The following TOGARAM1 variants were observed in gnomAD, a reference collection of about 807,000 sequenced individuals.
TOGARAM1 encodes the protein TOG array regulator of axonemal microtubules protein 1.
In TOGARAM1, 100 loss-of-function variants were observed where a neutral mutation model predicts 166.6. The observed-to-expected ratio is 0.60, with a 90% CI of 0.51 to 0.71. TOGARAM1 has a LOEUF of 0.71. Ranked by LOEUF, TOGARAM1 falls within the 30% of genes least tolerant of loss-of-function variation. The pLI, the probability that TOGARAM1 is intolerant of heterozygous loss-of-function variation, is 0.00. For synonymous variants in TOGARAM1, 758 were observed against 763.8 expected (o/e 0.99, Z 0.13); for missense variants, 2,029 against 2,102.7 (o/e 0.96, Z 0.69).
intron 7 of TOGARAM1, among the ~76,000 whole-genome samples, chr14:45,012,991 G>A (rs1314124186): frequency 1.3e-5 from 2 of 152,032 alleles, no homozygotes; most frequent in African/African-American, 4.8e-5. Context: ...GACTATACTG[G>A]CCAGCCTGAA....
At chr14:45,037,046 C>T (rs1308913342) in intron 11 of TOGARAM1, among the ~76,000 whole-genome samples, 1 of 152,130 alleles carries the variant, frequency 6.6e-6, no homozygotes, top group Non-Finnish European at 1.5e-5. Flanking sequence ...ATGGGAAAGA[C>T]TGGCCCCCAT....
At chr14:45,002,293 A>G (rs1255689250) in intron 3 of TOGARAM1, among the ~76,000 whole-genome samples, 1 of 152,164 alleles carries the variant, frequency 6.6e-6, no homozygotes, top group African/African-American at 2.4e-5. Flanking sequence ...TTGCTGTGCC[A>G]CTTAACCTGT....
At position 45,068,406 on chromosome 14, in the gene TOGARAM1, T is replaced by C. The variant is rs773413272; in HGVS notation, c.4750-18T>C. On this transcript the variant is annotated intron_variant, in intron 17 of 19. Transcript: ENST00000361462. ...TAAAAATCATTTTACTTTAAATAAT[T>C]TACCAATTTATTTTCAGATTTTTGA... 1.4e-5 allele frequency: 22 copies of C among 1,537,638 alleles called. 1 individual carries two copies. In the South Asian group the frequency reaches 2.4e-4, roughly 17 times the overall value.
chr14:45,014,281 G>A (rs371225376), intron 7 of TOGARAM1, among the ~76,000 whole-genome samples: 93 of 151,870 alleles, frequency 6.1e-4, no homozygotes, highest in African/African-American at 1.9e-3. Context: ...CACCCACCTC[G>A]GCCTCCCAAC....
intron 5 of TOGARAM1, among the ~76,000 whole-genome samples, chr14:45,008,382 G>C (rs766523105): frequency 6.6e-6 from 1 of 152,004 alleles, no homozygotes; most frequent in Non-Finnish European, 1.5e-5. Context: ...AAGACTGCAC[G>C]TGTCCACCAC....
In TOGARAM1 at chr14:45,004,372, AG is replaced by A; in HGVS notation, c.2644+7del. 6.2e-7 allele frequency: 1 copy of A among 1,608,632 alleles called. No homozygotes were observed. The highest frequency in any genetic ancestry group is 8.5e-7 in the Non-Finnish European group (1 of 1,177,614). On this transcript the variant is annotated splice_region_variant and intron_variant, in intron 4 of 19. Coordinates refer to ENST00000361462, the MANE Select transcript of TOGARAM1 (RefSeq NM_001308120.2). ...TCCTACGGGTAGAAATCATGGTAAA[AG>A]TCAATACTTTGTTCAAATTTATTTG... is the stretch of plus-strand genomic sequence containing the variant.
At chr14:44,968,623 C>A (rs1468589874) in intron 1 of TOGARAM1, among the ~76,000 whole-genome samples, 1 of 152,222 alleles carries the variant, frequency 6.6e-6, no homozygotes, top group African/African-American at 2.4e-5. Context: ...CCATATACCC[C>A]TGTCCACACA....
chr14:45,056,813 G>T (rs1882660537), intron 16 of TOGARAM1, among the ~76,000 whole-genome samples: 3 of 152,056 alleles, frequency 2.0e-5, no homozygotes, highest in Non-Finnish European at 4.4e-5. Context: ...TTAGTCTGTA[G>T]CTTTCGTCTT....
intron 10 of TOGARAM1, among the ~76,000 whole-genome samples, chr14:45,030,801 G>T (rs1316460578): frequency 1.3e-5 from 2 of 152,082 alleles, no homozygotes; most frequent in African/African-American, 2.4e-5. Context: ...AAGATCACAG[G>T]TAATGGTGGC....
intron 1 of TOGARAM1, among the ~76,000 whole-genome samples, chr14:44,985,789 T>C (rs1886763243): frequency 6.6e-6 from 1 of 152,250 alleles, no homozygotes; most frequent in South Asian, 2.1e-4. Context: ...TTGGTTATTC[T>C]ATGATGTATA....
intron 19 of TOGARAM1, 109 bp downstream of exon 19, chr14:45,071,907 A>C (rs1883402218): frequency 4.2e-6 from 3 of 717,576 alleles, no homozygotes; most frequent in Non-Finnish European, 6.7e-6. Context: ...GCTACCCACA[A>C]AGTAGAAATA....
At chr14:45,055,530 C>T (rs1470479493) in intron 16 of TOGARAM1, among the ~76,000 whole-genome samples, 2 of 151,964 alleles carry the variant, frequency 1.3e-5, no homozygotes, top group Non-Finnish European at 2.9e-5. Flanking sequence ...GCTGGCTGGG[C>T]GCCATGGCTC....
At chr14:44,971,832 G>A (rs1885900502) in intron 1 of TOGARAM1, among the ~76,000 whole-genome samples, 1 of 152,174 alleles carries the variant, frequency 6.6e-6, no homozygotes, top group African/African-American at 2.4e-5. Context: ...CTACAAGTAT[G>A]TTGGGGTTTT....
rs762897857 is a variant in TOGARAM1 at position 45,004,169 on chromosome 14, C to T, written c.2447C>T (p.Pro816Leu). 5.0e-6 allele frequency: 8 copies of T among 1,613,946 alleles called. No homozygotes were observed. The African/African-American group carries it at 9.3e-5, about 19-fold the overall frequency. ...CCAAGTCCAGGAGCTTACATCCTTC[C>T]ATCCTATCCTGTCTCATCACCTCGA... ...QNPSPGAYIL[P>L]SYPVSSPRTS... Residue 816 changes from proline to leucine, a missense_variant, in exon 4 of 20, where the codon CCA (proline) becomes CTA (leucine). Pro to Leu is a moderately conservative substitution (Grantham distance 98). Transcript: ENST00000361462.
At chr14:45,019,320 C>T (rs1880347110) in intron 7 of TOGARAM1, among the ~76,000 whole-genome samples, 2 of 152,140 alleles carry the variant, frequency 1.3e-5, no homozygotes, top group African/African-American at 4.8e-5. Context: ...TAAGGCTTCC[C>T]TCTTATTTTC....
chr14:45,027,797 C>T (rs1371534314), intron 9 of TOGARAM1, among the ~76,000 whole-genome samples: 1 of 151,010 alleles, frequency 6.6e-6, no homozygotes, highest in Non-Finnish European at 1.5e-5. Context: ...TGAGCTCGGA[C>T]GGTCGGACTT....
chr14:44,968,538 G>A (rs559613093), intron 1 of TOGARAM1, among the ~76,000 whole-genome samples: 185 of 152,280 alleles, frequency 1.2e-3, no homozygotes, highest in African/African-American at 4.4e-3. Flanking sequence ...GTGAGCCACC[G>A]CGCCCGGCCT....
intron 2 of TOGARAM1, chr14:44,996,620 T>C (rs1887424610): frequency 6.6e-6 from 1 of 152,206 alleles, no homozygotes; most frequent in Non-Finnish European, 1.5e-5. Context: ...TTAAAATAGA[T>C]GAAAGTGTAT....
At chr14:45,023,008 C>A (rs2138894213) in intron 7 of TOGARAM1, 1 of 152,246 alleles carries the variant, frequency 6.6e-6, no homozygotes, top group South Asian at 2.1e-4. Flanking sequence ...TATATATTTA[C>A]CCTTTTCCTT....
Sources: allele counts gnomAD v4.1 joint callset (sites outside exome capture counted in the v4.1 genomes callset), GRCh38; gene constraint gnomAD v4.1.1; transcripts MANE v1.5; gene names NCBI Gene and HGNC (gene_info 2026-07-23, HGNC 2026-07-21).